TPO: variants seen among roughly 807,000 people sequenced by gnomAD.
The protein encoded by TPO is thyroid microsomal antigen.
TPO carries 78 observed loss-of-function variants against 96.9 expected under a neutral mutation model. The ratio of observed to expected loss-of-function variants is 0.81; its 90% CI spans 0.67 to 0.97. The LOEUF (loss-of-function observed/expected upper bound fraction) is 0.97, where lower values mean the gene tolerates loss of function less well. TPO is among the 50% of genes least tolerant of loss of function. The pLI is 0.00. For missense variants in TPO, 1,252 were observed against 1,274.8 expected, an observed-to-expected ratio of 0.98 and a Z score of 0.27; for synonymous variants, 547 against 538.0, an observed-to-expected ratio of 1.02 and a Z score of -0.23.
chr2:1,439,151 C>T, intron 5 of TPO: 1 of 335,082 alleles, frequency 3.0e-6, no homozygotes. Context: ...GGCCCTGCTG[C>T]TGTCTTGGGC....
chr2:1,497,991 C>CAAAAAAAAAAAAAAAAAA (rs543921082), intron 13 of TPO, among the ~76,000 whole-genome samples: 2 of 87,272 alleles, frequency 2.3e-5, no homozygotes, highest in African/African-American at 9.5e-5. Flanking sequence ...CCCCATCTAC[C>CAAAAAAAAAAAAAAAAAA]AAAAAAAAAA....
At chr2:1,462,517 A>AACACACACACACACACACACACACACAC (rs35553172) in intron 7 of TPO, among the ~76,000 whole-genome samples, 1 of 131,586 alleles carries the variant, frequency 7.6e-6, no homozygotes, top group African/African-American at 3.3e-5. Flanking sequence ...TGTGTAGGTA[A>AACACACACACACACACACACACACACAC]ACACACACAC....
intron 15 of TPO, among the ~76,000 whole-genome samples, chr2:1,537,285 C>G (rs1283428522): frequency 9.1e-6 from 1 of 109,296 alleles, no homozygotes; most frequent in African/African-American, 3.7e-5. Flanking sequence ...CTCCCCAAAT[C>G]CCCCCCACCC....
At chr2:1,442,602 T>C (rs1186461568) in intron 5 of TPO, among the ~76,000 whole-genome samples, 7 of 152,240 alleles carry the variant, frequency 4.6e-5, no homozygotes, top group Non-Finnish European at 5.9e-5. Context: ...TGTGTGTTCT[T>C]GAGAAAGTGC....
intron 5 of TPO, among the ~76,000 whole-genome samples, chr2:1,441,870 A>C (rs111652681): frequency 6.6e-6 from 1 of 152,216 alleles, no homozygotes; most frequent in Non-Finnish European, 1.5e-5. Context: ...CAAGTGCTCC[A>C]TGGCGGGATG....
chr2:1,473,609 A>C (rs1330006114), intron 7 of TPO, among the ~76,000 whole-genome samples: 1 of 152,208 alleles, frequency 6.6e-6, no homozygotes, highest in Non-Finnish European at 1.5e-5. Context: ...ATTATTGTAA[A>C]TGAAATTGCA....
At chr2:1,392,140 T>C (rs1009632508) in intron 1 of TPO, among the ~76,000 whole-genome samples, 1 of 152,166 alleles carries the variant, frequency 6.6e-6, no homozygotes, top group Non-Finnish European at 1.5e-5. Flanking sequence ...CAGTATGATA[T>C]TGTCATAAAT....
chr2:1,483,175 G>A (rs1670804812), intron 8 of TPO, among the ~76,000 whole-genome samples: 1 of 152,214 alleles, frequency 6.6e-6, no homozygotes, highest in South Asian at 2.1e-4. Flanking sequence ...AGGAAGTACA[G>A]TGTCTGTGAG....
At chr2:1,495,333 G>A (rs190941005) in intron 11 of TPO, among the ~76,000 whole-genome samples, 1 of 152,300 alleles carries the variant, frequency 6.6e-6, no homozygotes, top group Non-Finnish European at 1.5e-5. Flanking sequence ...ATGCTTTACG[G>A]CATTCAGGCC....
chr2:1,522,148 G>GAC (rs149288045), intron 15 of TPO, among the ~76,000 whole-genome samples: 5 of 121,620 alleles, frequency 4.1e-5, no homozygotes, highest in South Asian at 2.9e-4. Context: ...TGCCCTTACA[G>GAC]TCTCTACCCC....
intron 15 of TPO, among the ~76,000 whole-genome samples, chr2:1,537,059 T>C (rs936618644): frequency 2.3e-4 from 17 of 73,910 alleles, no homozygotes; most frequent in South Asian, 5.7e-4. Flanking sequence ...CCTCCCCAAA[T>C]CCCTGCCACT....
intron 3 of TPO, among the ~76,000 whole-genome samples, chr2:1,425,963 C>T (rs1225287033): frequency 1.9e-4 from 23 of 120,332 alleles, no homozygotes; most frequent in East Asian, 5.4e-4. Context: ...CTCAGAAGTC[C>T]ATGCTCCTTC....
intron 1 of TPO, among the ~76,000 whole-genome samples, chr2:1,389,691 T>A (rs551261805): frequency 2.6e-5 from 4 of 152,198 alleles, no homozygotes; most frequent in African/African-American, 9.6e-5. Context: ...CTGCCACTGA[T>A]AATCCATTGT....
chr2:1,433,537 A>G lies in TPO; in HGVS notation c.279A>G (p.Ile93Met), dbSNP rs1348161059. 1.9e-6 allele frequency: 3 copies of G among 1,614,084 alleles called. No individual in the cohort carries two copies. The highest frequency in any genetic ancestry group is 2.5e-6 in the Non-Finnish European group (3 of 1,180,050). The change falls in exon 4 of 17, where the codon ATA (isoleucine) becomes ATG (methionine). Residue 93 changes from isoleucine (I) to methionine (M), a missense_variant. Coordinates refer to ENST00000329066, the MANE Select transcript of TPO (RefSeq NM_001206744.2). ...TSGVIARAAE[I>M]METSIQAMKR... is the part of the protein sequence containing the mutation. Reference sequence around the variant, plus strand: ...GAGTGATTGCCCGAGCAGCAGAGATAATGGAAACATCAATACAAGCGATGA... The same window carrying G: ...GAGTGATTGCCCGAGCAGCAGAGATGATGGAAACATCAATACAAGCGATGA...
intron 15 of TPO, among the ~76,000 whole-genome samples, chr2:1,527,837 GCAACCTCCTCAAATCCCCCCCACTGTGTT>G (rs1558414262): frequency 2.2e-4 from 30 of 137,100 alleles, no homozygotes; most frequent in Middle Eastern, 9.7e-3. Context: ...CATACTGTGT[GCAACCTCCTCAAATCCCCCCCACTGTGTT>G]CAACCTCCTC....
At chr2:1,441,671 A>C (rs1256851676) in intron 5 of TPO, among the ~76,000 whole-genome samples, 2 of 152,024 alleles carry the variant, frequency 1.3e-5, no homozygotes, top group Admixed American at 6.5e-5. Flanking sequence ...TTTTTATAGA[A>C]GTCTAGGAGC....
chr2:1,531,104 A>C (rs1323657246), intron 15 of TPO, among the ~76,000 whole-genome samples: 2 of 40,426 alleles, frequency 4.9e-5, no homozygotes, highest in Non-Finnish European at 8.9e-5. Context: ...CAACCTCCCC[A>C]AATCCCCCCA....
intron 1 of TPO, among the ~76,000 whole-genome samples, chr2:1,398,209 A>G (rs1662115723): frequency 6.6e-6 from 1 of 152,134 alleles, no homozygotes; most frequent in African/African-American, 2.4e-5. Flanking sequence ...GCATCTCCCC[A>G]TCAGTCCTAG....
chr2:1,455,560 C>T (rs539711420), intron 6 of TPO, among the ~76,000 whole-genome samples: 6 of 152,260 alleles, frequency 3.9e-5, no homozygotes, highest in East Asian at 1.9e-4. Context: ...GATGCCCTGG[C>T]GGAACGGTGT....
Sources: gnomAD v4.1 joint callset for allele counts (sites outside exome capture counted in the v4.1 genomes callset) on GRCh38, gnomAD v4.1.1 for gene constraint, MANE v1.5 for transcripts, NCBI Gene and HGNC (gene_info 2026-07-23, HGNC 2026-07-21) for gene names.